MAD1L1: variants seen among roughly 807,000 people sequenced by gnomAD.
MAD1L1 encodes the protein mitotic spindle assembly checkpoint protein MAD1.
In MAD1L1, 95 loss-of-function variants were observed where a neutral mutation model predicts 96.9. That is an observed-to-expected ratio of 0.98 (90% CI 0.83 to 1.16). The LOEUF is 1.16. Among genes scored for constraint, MAD1L1 ranks in the 50% most tolerant of loss-of-function variants. MAD1L1 has a pLI of 0.00. For missense variants in MAD1L1, 1,007 were observed against 954.4 expected, an observed-to-expected ratio of 1.06 and a Z score of -0.73; for synonymous variants, 473 against 396.6, an observed-to-expected ratio of 1.19 and a Z score of -2.29.
At chr7:1,875,701 A>C (rs1785352345) in intron 18 of MAD1L1, among the ~76,000 whole-genome samples, 1 of 152,234 alleles carries the variant, frequency 6.6e-6, no homozygotes, top group Non-Finnish European at 1.5e-5. Context: ...AACAGATAAC[A>C]GGTAGTTCAC....
chr7:2,053,274 G>A (rs946058780), intron 12 of MAD1L1, among the ~76,000 whole-genome samples: 2 of 152,200 alleles, frequency 1.3e-5, no homozygotes, highest in Non-Finnish European at 2.9e-5. Context: ...CATGCAGACG[G>A]TGAGGCTGGG....
Position 1,854,006 on chromosome 7 carries a change from G to A in MAD1L1, c.1999-37778C>T, listed in dbSNP as rs188358957. 2.0e-3 allele frequency among the ~76,000 whole-genome samples: 310 copies of A among 152,286 alleles called. 2 individuals carry two copies. The highest frequency in any genetic ancestry group is 2.0e-3 in the Non-Finnish European group (136 of 68,024). ...CAGCTCCCGGCGCCATTCTCATGCC[G>A]TGCACTGGGAGCTTCACGATTAATA... On this transcript the variant is annotated intron_variant, in intron 18 of 18. Coordinates refer to ENST00000265854, the MANE Select transcript of MAD1L1 (RefSeq NM_001013836.2).
At chr7:1,945,050 A>C (rs1358844157) in intron 16 of MAD1L1, among the ~76,000 whole-genome samples, 3 of 151,670 alleles carry the variant, frequency 2.0e-5, no homozygotes, top group Non-Finnish European at 1.5e-5. Context: ...GAGACAGTGG[A>C]CACCGAGACC....
At chr7:1,887,103 G>C (rs958569530) in intron 18 of MAD1L1, among the ~76,000 whole-genome samples, 3 of 152,272 alleles carry the variant, frequency 2.0e-5, no homozygotes, top group Non-Finnish European at 4.4e-5. Flanking sequence ...GGCTAGGGGG[G>C]CTCCGGCTGG....
At chr7:2,144,150 C>A (rs1418002124) in intron 11 of MAD1L1, among the ~76,000 whole-genome samples, 1 of 152,206 alleles carries the variant, frequency 6.6e-6, no homozygotes. Context: ...GCTTTCACCA[C>A]CTCCCAGCTG....
chr7:2,118,560 C>T (rs1787827980), intron 11 of MAD1L1, among the ~76,000 whole-genome samples: 1 of 152,246 alleles, frequency 6.6e-6, no homozygotes, highest in Non-Finnish European at 1.5e-5. Context: ...CCAGCATTTT[C>T]TCCCCAGCAA....
intron 18 of MAD1L1, among the ~76,000 whole-genome samples, chr7:1,869,645 C>T (rs970133635): frequency 5.9e-5 from 9 of 152,118 alleles, no homozygotes; most frequent in Non-Finnish European, 5.9e-5. Flanking sequence ...CTCCAGCTGC[C>T]GAAGGGTAAT....
Position 1,844,722 on chromosome 7 carries a change from G to A in MAD1L1, c.1999-28494C>T, listed in dbSNP as rs76093871. Among the ~76,000 whole-genome samples, 389 of 152,328 alleles carry A rather than the reference G, an allele frequency of 2.6e-3. 14 individuals are homozygous for A. The East Asian group carries it at 0.069, about 27-fold the overall frequency. On this transcript the variant is annotated intron_variant, in intron 18 of 18. Transcript: ENST00000265854. ...ATCCTGCTGTGGCTTGGCACAGGCC[G>A]GGCACTGACAGAGGGGACCCGTCTG...
intron 16 of MAD1L1, among the ~76,000 whole-genome samples, chr7:1,949,293 T>C (rs1779378642): frequency 6.6e-6 from 1 of 152,208 alleles, no homozygotes; most frequent in African/African-American, 2.4e-5. Flanking sequence ...GACGTGCACA[T>C]GGTCTCAGGC....
In MAD1L1 at chr7:1,936,668, G is replaced by T; in HGVS notation, c.1807+19C>A. 6.5e-7 allele frequency: 1 copy of T among 1,544,054 alleles called. No homozygotes were observed. Among genetic ancestry groups the T allele is most frequent in the African/African-American group, 1.4e-5 (1 of 73,166 alleles). On this transcript the variant is annotated intron_variant, in intron 17 of 18. Coordinates refer to ENST00000265854, the MANE Select transcript of MAD1L1 (RefSeq NM_001013836.2). ...CGGAAGGTCGAGGATGGCAGGGACC[G>T]GGGGTGGGGGGTGCCTACCTGCCAC...
chr7:1,842,595 G>A (rs1055613936), intron 18 of MAD1L1, among the ~76,000 whole-genome samples: 6 of 152,240 alleles, frequency 3.9e-5, no homozygotes, highest in South Asian at 2.1e-4. Flanking sequence ...CCTGAGCCCC[G>A]GCGAGGGACA....
At chr7:2,205,079 CTTTTCTTTT>C (rs1349726953) in intron 10 of MAD1L1, among the ~76,000 whole-genome samples, 1 of 88,692 alleles carries the variant, frequency 1.1e-5, no homozygotes, top group East Asian at 3.1e-4. Flanking sequence ...CTCACAGGAT[CTTTTCTTTT>C]TTTTTTTTTT....
chr7:1,871,822 A>C (rs11982455), intron 18 of MAD1L1, among the ~76,000 whole-genome samples: 36,607 of 152,014 alleles, frequency 0.24, 4,982 homozygotes, highest in African/African-American at 0.36. Flanking sequence ...GCTTCCCCGG[A>C]GGGCCAGCAG....
chr7:1,828,560 G>A (rs1782546443), intron 18 of MAD1L1, among the ~76,000 whole-genome samples: 1 of 152,250 alleles, frequency 6.6e-6, no homozygotes, highest in African/African-American at 2.4e-5. Flanking sequence ...TGGACACCCC[G>A]CAGCAAGGGG....
intron 11 of MAD1L1, among the ~76,000 whole-genome samples, chr7:2,092,440 C>G (rs550735230): frequency 6.6e-6 from 1 of 152,090 alleles, no homozygotes; most frequent in African/African-American, 2.4e-5. Flanking sequence ...TCCTCCCTCA[C>G]GCATCTGCCC....
chr7:1,900,411 C>T (rs557705607), intron 17 of MAD1L1, among the ~76,000 whole-genome samples: 1 of 152,328 alleles, frequency 6.6e-6, no homozygotes, highest in East Asian at 1.9e-4. Context: ...GGCACTGATT[C>T]AGCCCTCGCC....
intron 10 of MAD1L1, among the ~76,000 whole-genome samples, chr7:2,154,854 C>G (rs1789745858): frequency 6.6e-6 from 1 of 152,168 alleles, no homozygotes; most frequent in Non-Finnish European, 1.5e-5. Flanking sequence ...GTCAGGAGGT[C>G]ACCTCCTGAA....
intron 13 of MAD1L1, among the ~76,000 whole-genome samples, chr7:2,008,126 T>C (rs554246809): frequency 4.6e-5 from 7 of 152,274 alleles, no homozygotes; most frequent in Non-Finnish European, 8.8e-5. Context: ...TGAGTATAAA[T>C]CATATTTCAA....
chr7:1,868,996 CA>C (rs1173237758), intron 18 of MAD1L1, among the ~76,000 whole-genome samples: 1 of 152,200 alleles, frequency 6.6e-6, no homozygotes, highest in Non-Finnish European at 1.5e-5. Flanking sequence ...AGGACTCCCC[CA>C]AGGCTCTGTG....
Sources: gnomAD v4.1 joint callset for allele counts (sites outside exome capture counted in the v4.1 genomes callset) on GRCh38, gnomAD v4.1.1 for gene constraint, MANE v1.5 for transcripts, NCBI Gene and HGNC (gene_info 2026-07-23, HGNC 2026-07-21) for gene names.